PTPRT: variants seen among roughly 807,000 people sequenced by gnomAD.
PTPRT encodes protein tyrosine phosphatase receptor type T, also known as receptor-type tyrosine-protein phosphatase T.
Under a neutral mutation model 176.8 loss-of-function variants are expected in PTPRT, and 56 were observed. That is an observed-to-expected ratio of 0.32 (90% CI 0.26 to 0.40). The LOEUF (loss-of-function observed/expected upper bound fraction) is 0.40, where lower values mean the gene tolerates loss of function less well. Among genes scored for constraint, PTPRT ranks in the 10% least tolerant of loss-of-function variants. The pLI, the probability that PTPRT is intolerant of heterozygous loss-of-function variation, is 1.00. For synonymous variants in PTPRT, 783 were observed against 739.0 expected, an observed-to-expected ratio of 1.06 and a Z score of -0.96; for missense variants, 1,540 against 1,908.2, an observed-to-expected ratio of 0.81 and a Z score of 3.60.
chr20:42,697,715 G>A (rs969089638), intron 6 of PTPRT, among the ~76,000 whole-genome samples: 11 of 152,158 alleles, frequency 7.2e-5, no homozygotes, highest in African/African-American at 1.9e-4. Context: ...GAAAAAACTC[G>A]CCTTTGTGGG....
At chr20:42,100,262 C>T (rs1176786003) in intron 26 of PTPRT, among the ~76,000 whole-genome samples, 1 of 152,176 alleles carries the variant, frequency 6.6e-6, no homozygotes, top group Non-Finnish European at 1.5e-5. Flanking sequence ...GTTCGAGATC[C>T]GTGCTCCTGC....
intron 2 of PTPRT, among the ~76,000 whole-genome samples, chr20:42,828,543 T>A (rs1249726840): frequency 5.3e-5 from 8 of 152,102 alleles, no homozygotes. Flanking sequence ...ACCTTCACAG[T>A]AGCCCCTCCC....
At chr20:42,179,076 G>C (rs1355845936) in intron 16 of PTPRT, among the ~76,000 whole-genome samples, 1 of 152,188 alleles carries the variant, frequency 6.6e-6, no homozygotes, top group Non-Finnish European at 1.5e-5. Context: ...ATAGGAGGCA[G>C]GGATCATTGG....
chr20:42,891,212 T>C (rs1310214004), intron 1 of PTPRT, among the ~76,000 whole-genome samples: 1 of 152,224 alleles, frequency 6.6e-6, no homozygotes, highest in Non-Finnish European at 1.5e-5. Flanking sequence ...GATCTCGACC[T>C]CACCACAATC....
intron 7 of PTPRT, among the ~76,000 whole-genome samples, chr20:42,523,775 AT>A (rs1314367572): frequency 1.3e-5 from 2 of 151,682 alleles, no homozygotes; most frequent in South Asian, 2.1e-4. Flanking sequence ...CTTTAATTCC[AT>A]TTTTTCCCTC....
chr20:42,152,379 C>T (rs1014386025), intron 17 of PTPRT, among the ~76,000 whole-genome samples: 13 of 152,202 alleles, frequency 8.5e-5, no homozygotes, highest in Non-Finnish European at 2.9e-5. Flanking sequence ...CATACCATGT[C>T]ACTAAATAGA....
chr20:43,140,204 A>G (rs974911451), intron 1 of PTPRT, among the ~76,000 whole-genome samples: 7 of 152,088 alleles, frequency 4.6e-5, no homozygotes, highest in Non-Finnish European at 8.8e-5. Context: ...GCTTTTTTCA[A>G]TTCATCGATC....
At chr20:42,917,305 TG>T (rs1350752703) in intron 1 of PTPRT, among the ~76,000 whole-genome samples, 1 of 152,210 alleles carries the variant, frequency 6.6e-6, no homozygotes, top group Admixed American at 6.5e-5. Context: ...GGCTCTGTTC[TG>T]TTCCATTGGT....
intron 1 of PTPRT, among the ~76,000 whole-genome samples, chr20:43,044,866 G>A (rs1436253101): frequency 6.6e-6 from 1 of 152,222 alleles, no homozygotes; most frequent in African/African-American, 2.4e-5. Context: ...TGCAGCTGCA[G>A]TGTAAAGGCT....
chr20:43,155,448 T>C (rs867552785), intron 1 of PTPRT, among the ~76,000 whole-genome samples: 31 of 152,138 alleles, frequency 2.0e-4, no homozygotes, highest in African/African-American at 7.5e-4. Flanking sequence ...CACTGCATGA[T>C]CTCACTCATA....
At chr20:43,130,193 T>C (rs968902985) in intron 1 of PTPRT, among the ~76,000 whole-genome samples, 3 of 152,232 alleles carry the variant, frequency 2.0e-5, no homozygotes, top group African/African-American at 7.2e-5. Flanking sequence ...ACAACCGTCA[T>C]TCAGAGACTG....
intron 9 of PTPRT, among the ~76,000 whole-genome samples, chr20:42,354,891 C>T (rs1206051870): frequency 3.3e-5 from 5 of 151,592 alleles, no homozygotes; most frequent in Non-Finnish European, 5.9e-5. Flanking sequence ...GCAGAGTGTG[C>T]GCAGGAGGGA....
At chr20:42,243,158 T>G (rs1235395269) in intron 14 of PTPRT, among the ~76,000 whole-genome samples, 1 of 151,906 alleles carries the variant, frequency 6.6e-6, no homozygotes, top group Non-Finnish European at 1.5e-5. Context: ...ATCCTGGGTG[T>G]TGGAATCCCA....
intron 7 of PTPRT, among the ~76,000 whole-genome samples, chr20:42,673,497 T>C (rs1035469073): frequency 1.1e-4 from 16 of 152,126 alleles, no homozygotes; most frequent in African/African-American, 3.6e-4. Flanking sequence ...CAGAATACCA[T>C]AGACTGGGTA....
intron 3 of PTPRT, among the ~76,000 whole-genome samples, chr20:42,783,228 C>T (rs974936503): frequency 1.1e-4 from 17 of 152,106 alleles, no homozygotes; most frequent in African/African-American, 3.6e-4. Flanking sequence ...TTCTTAATAA[C>T]TATGGTGTCA....
In PTPRT at chr20:42,616,714, T is replaced by C. The variant is rs1409867680; in HGVS notation, c.1153+61152A>G. ...TCTTTGAAGCAATTGTGAATGGGAG[T>C]TCACTCATGATTTGGCTCTCTGTTT... is the stretch of plus-strand genomic sequence containing the variant. On this transcript the variant is annotated intron_variant, in intron 7 of 30. Coordinates refer to ENST00000373187, the MANE Select transcript of PTPRT (RefSeq NM_007050.6). Among the ~76,000 whole-genome samples the C allele has an allele frequency of 2.7e-5, 3 of 111,906 alleles. 1 individual carries two copies. Among genetic ancestry groups the C allele is most frequent in the African/African-American group, 4.6e-5 (1 of 21,540 alleles). The allele number at this position is 111,906 out of a possible 152,430, so 73.4% of individuals were successfully genotyped here. A position where few individuals can be genotyped will look rare whatever the true frequency, so the allele number is the denominator to read the frequency against.
At chr20:42,938,166 G>A (rs1447757829) in intron 1 of PTPRT, among the ~76,000 whole-genome samples, 4 of 152,192 alleles carry the variant, frequency 2.6e-5, no homozygotes, top group Admixed American at 1.3e-4. Context: ...ATGGGTGTAC[G>A]AATGGATGTA....
At chr20:42,180,837 C>G (rs1417298380) in intron 16 of PTPRT, among the ~76,000 whole-genome samples, 2 of 152,164 alleles carry the variant, frequency 1.3e-5, no homozygotes, top group African/African-American at 4.8e-5. Context: ...CCGCATATTT[C>G]TCACTATTCG....
intron 1 of PTPRT, among the ~76,000 whole-genome samples, chr20:43,140,416 T>C (rs1183199101): frequency 3.3e-5 from 5 of 151,462 alleles, no homozygotes; most frequent in African/African-American, 9.7e-5. Context: ...TACTTTTAGA[T>C]GGACAAGAGT....
Sources: gnomAD v4.1 joint callset for allele counts (sites outside exome capture counted in the v4.1 genomes callset) on GRCh38, gnomAD v4.1.1 for gene constraint, MANE v1.5 for transcripts, NCBI Gene and HGNC (gene_info 2026-07-23, HGNC 2026-07-21) for gene names.